FBXO34: variants seen among roughly 807,000 people sequenced by gnomAD.
FBXO34 encodes F-box only protein 34.
FBXO34 carries 12 observed loss-of-function variants against 24.5 expected under a neutral mutation model. The observed-to-expected ratio is 0.49, with a 90% confidence interval of 0.31 to 0.79. The LOEUF is 0.79. Among genes scored for constraint, FBXO34 ranks in the 30% least tolerant of loss-of-function variants. The pLI is 0.04. For missense variants in FBXO34, 823 were observed against 857.7 expected, an observed-to-expected ratio of 0.96 and a Z score of 0.51; for synonymous variants, 320 against 311.9, an observed-to-expected ratio of 1.03 and a Z score of -0.27.
intron 1 of FBXO34, among the ~76,000 whole-genome samples, chr14:55,325,532 A>G (rs932487119): frequency 5.9e-5 from 9 of 151,998 alleles, no homozygotes; most frequent in African/African-American, 1.7e-4. Context: ...CTGGAGTGCA[A>G]TGGCGCGATC....
chr14:55,301,556 G>A (rs1157943916), intron 1 of FBXO34, among the ~76,000 whole-genome samples: 1 of 152,184 alleles, frequency 6.6e-6, no homozygotes, highest in African/African-American at 2.4e-5. Context: ...GTAAAATGAG[G>A]GCATTACTGT....
At chr14:55,378,467 T>C in the FBXO34 span, among the ~76,000 whole-genome samples, 54,852 of 152,120 alleles carry the variant, frequency 0.36, 10,517 homozygotes, top group Non-Finnish European at 0.42. Flanking sequence ...CAAAGGCTTA[T>C]AACGGCCCTA....
At chr14:55,365,741 C>A (rs1397678174), downstream of FBXO34, among the ~76,000 whole-genome samples, 2 of 152,144 alleles carry the variant, frequency 1.3e-5, no homozygotes, top group African/African-American at 2.4e-5. Context: ...GTTTCCTTGC[C>A]TATTTCCTCC....
chr14:55,314,261 T>C (rs1015106921), intron 1 of FBXO34, among the ~76,000 whole-genome samples: 1 of 151,938 alleles, frequency 6.6e-6, no homozygotes, highest in Non-Finnish European at 1.5e-5. Context: ...GAAAAAAAAA[T>C]GGATTTTGTT....
chr14:55,380,520 A>G, the FBXO34 span: 1 of 1,203,378 alleles, frequency 8.3e-7, no homozygotes, highest in South Asian at 1.3e-5. Context: ...AAGACAAAAT[A>G]GAAACTTGAA....
the FBXO34 span, chr14:55,436,897 G>A: frequency 6.2e-7 from 1 of 1,614,238 alleles, no homozygotes; most frequent in Non-Finnish European, 8.5e-7. Context: ...GAAATCACCA[G>A]ATGTTTCTTT....
the FBXO34 span, among the ~76,000 whole-genome samples, chr14:55,395,624 C>G: frequency 5.3e-5 from 8 of 152,228 alleles, no homozygotes; most frequent in Non-Finnish European, 1.0e-4. Flanking sequence ...TTTTCTTTGA[C>G]ACATTTAATC....
the FBXO34 span, among the ~76,000 whole-genome samples, chr14:55,397,943 C>CTTTTTTTT: frequency 5.7e-5 from 6 of 105,544 alleles, no homozygotes; most frequent in Non-Finnish European, 7.4e-5. Flanking sequence ...TGCAGTAATT[C>CTTTTTTTT]TTTTTTTTTT....
the FBXO34 span, chr14:55,413,814 G>T: frequency 2.7e-6 from 1 of 375,566 alleles, no homozygotes; most frequent in Non-Finnish European, 5.2e-6. Flanking sequence ...TCATTCTCTT[G>T]GCAAAAATCT....
At chr14:55,313,214 G>A (rs1353769569) in intron 1 of FBXO34, among the ~76,000 whole-genome samples, 1 of 152,010 alleles carries the variant, frequency 6.6e-6, no homozygotes, top group Non-Finnish European at 1.5e-5. Context: ...TAAGGTAGGG[G>A]CAAAATGTTA....
At chr14:55,433,548 C>G in the FBXO34 span, 433 of 1,360,900 alleles carry the variant, frequency 3.2e-4, 4 homozygotes, top group African/African-American at 5.3e-3. Context: ...CTACTATGTG[C>G]TTTAGCACAT....
the FBXO34 span, among the ~76,000 whole-genome samples, chr14:55,419,958 C>T: frequency 6.6e-6 from 1 of 152,192 alleles, no homozygotes; most frequent in Non-Finnish European, 1.5e-5. Flanking sequence ...CCATGCTGCA[C>T]TAGGCCACAC....
the FBXO34 span, among the ~76,000 whole-genome samples, chr14:55,389,242 A>G: frequency 1.4e-3 from 217 of 152,198 alleles, no homozygotes; most frequent in African/African-American, 5.0e-3. Flanking sequence ...AAATTCAGCA[A>G]TTTTCAGGAG....
At chr14:55,409,747 A>C in the FBXO34 span, among the ~76,000 whole-genome samples, 1 of 152,238 alleles carries the variant, frequency 6.6e-6, no homozygotes, top group African/African-American at 2.4e-5. Context: ...TCAGAGGAAC[A>C]GATAATATAG....
At chr14:55,335,531 T>C (rs910088857) in intron 1 of FBXO34, 1 of 152,182 alleles carries the variant, frequency 6.6e-6, no homozygotes, top group African/African-American at 2.4e-5. Context: ...ATAAGTATAG[T>C]GTATGTAGGA....
At chr14:55,353,723 GT>G (rs373957058), downstream of FBXO34, 1 of 163,562 alleles carries the variant, frequency 6.1e-6, no homozygotes. Context: ...GAGATAAAGT[GT>G]TTTTTTCTGC....
At chr14:55,432,935 T>C in the FBXO34 span, among the ~76,000 whole-genome samples, 6 of 152,194 alleles carry the variant, frequency 3.9e-5, no homozygotes, top group Non-Finnish European at 8.8e-5. Context: ...GAATGTCTAA[T>C]TGAGCTCCTT....
At chr14:55,288,277 A>T (rs2139669238) in intron 1 of FBXO34, among the ~76,000 whole-genome samples, 1 of 152,338 alleles carries the variant, frequency 6.6e-6, no homozygotes, top group Middle Eastern at 3.4e-3. Context: ...GGGTATTTCT[A>T]AAGTAAAGAA....
chr14:55,394,815 G>T, the FBXO34 span: 4 of 295,042 alleles, frequency 1.4e-5, no homozygotes, highest in Admixed American at 1.3e-4. Flanking sequence ...GGTATTATAG[G>T]ATATAAAAAC....
Sources: gnomAD v4.1 joint callset for allele counts (sites outside exome capture counted in the v4.1 genomes callset) on GRCh38, gnomAD v4.1.1 for gene constraint, MANE v1.5 for transcripts, NCBI Gene and HGNC (gene_info 2026-07-23, HGNC 2026-07-21) for gene names.